Variants in SLC35F4 observed in about 807,000 individuals in gnomAD.
SLC35F4 encodes the protein solute carrier family 35 member F4.
Under a neutral mutation model 44.2 loss-of-function variants are expected in SLC35F4, and 24 were observed. That is an observed-to-expected ratio of 0.54 (90% confidence interval 0.39 to 0.76). The LOEUF (loss-of-function observed/expected upper bound fraction) is 0.76. Ranked by LOEUF, SLC35F4 falls within the 30% of genes least tolerant of loss-of-function variation. SLC35F4 has a pLI of 0.00. For missense variants in SLC35F4, 562 were observed against 586.1 expected (o/e 0.96, Z 0.42); for synonymous variants, 238 against 223.6 (o/e 1.06, Z -0.57).
intron 1 of SLC35F4, among the ~76,000 whole-genome samples, chr14:57,892,316 T>C (rs1888786514): frequency 6.6e-6 from 1 of 152,210 alleles, no homozygotes; most frequent in African/African-American, 2.4e-5. Flanking sequence ...CTAGATGCAT[T>C]AGTCAGGTGA....
upstream of SLC35F4, among the ~76,000 whole-genome samples, chr14:57,868,073 A>C (rs975682275): frequency 2.0e-5 from 3 of 152,234 alleles, no homozygotes; most frequent in African/African-American, 7.2e-5. Context: ...GTAGATAAAA[A>C]TGTATTTAAC....
intron 1 of SLC35F4, among the ~76,000 whole-genome samples, chr14:57,816,726 T>C (rs1212536327): frequency 6.6e-6 from 1 of 151,996 alleles, no homozygotes; most frequent in Non-Finnish European, 1.5e-5. Flanking sequence ...ATAAGCAGAG[T>C]CAGCAATCTT....
At chr14:57,941,538 A>G (rs1356923179) in intron 1 of SLC35F4, among the ~76,000 whole-genome samples, 1 of 152,186 alleles carries the variant, frequency 6.6e-6, no homozygotes, top group Non-Finnish European at 1.5e-5. Context: ...TGAGGGAAGG[A>G]AAGGATGGAG....
chr14:57,856,173 G>A (rs1211157573), intron 1 of SLC35F4, among the ~76,000 whole-genome samples: 1 of 151,918 alleles, frequency 6.6e-6, no homozygotes, highest in Non-Finnish European at 1.5e-5. Context: ...TGCTCAGGGG[G>A]CATGTCAGGG....
intron 1 of SLC35F4, among the ~76,000 whole-genome samples, chr14:57,834,686 C>T (rs1201550646): frequency 6.6e-6 from 1 of 152,178 alleles, no homozygotes; most frequent in Non-Finnish European, 1.5e-5. Flanking sequence ...TAGATCAAAT[C>T]CTTCCTATCC....
intron 1 of SLC35F4, among the ~76,000 whole-genome samples, chr14:57,616,981 T>C (rs2071868342): frequency 6.6e-6 from 1 of 151,940 alleles, no homozygotes; most frequent in African/African-American, 2.4e-5. Flanking sequence ...ATTATGAAAA[T>C]GTGGTTTTCT....
chr14:57,669,645 A>G (rs1178914449), intron 1 of SLC35F4, among the ~76,000 whole-genome samples: 4 of 152,142 alleles, frequency 2.6e-5, no homozygotes, highest in South Asian at 4.2e-4. Context: ...ATTGATTTGC[A>G]TCTGTTGAAC....
At chr14:57,647,724 G>A (rs990868197) in intron 1 of SLC35F4, among the ~76,000 whole-genome samples, 5 of 152,192 alleles carry the variant, frequency 3.3e-5, no homozygotes, top group Non-Finnish European at 5.9e-5. Flanking sequence ...CTTATAAAAT[G>A]CAGTTTTAGA....
intron 6 of SLC35F4, among the ~76,000 whole-genome samples, chr14:57,567,876 A>G (rs1334468270): frequency 1.3e-5 from 2 of 152,234 alleles, no homozygotes; most frequent in African/African-American, 2.4e-5. Flanking sequence ...AGATAGGTCA[A>G]CCTGAGAGGA....
intron 1 of SLC35F4, chr14:57,596,817 T>C (rs748658483): frequency 3.7e-6 from 5 of 1,367,704 alleles, no homozygotes; most frequent in Non-Finnish European, 3.9e-6. Context: ...CCTTATGTGA[T>C]ATACCGCAAA....
intron 1 of SLC35F4, among the ~76,000 whole-genome samples, chr14:57,948,227 C>T (rs80223080): frequency 0.096 from 14,515 of 151,966 alleles, 771 homozygotes; most frequent in Middle Eastern, 0.18. Context: ...ATTGGTCTGT[C>T]CCGTGTTTCT....
rs58029409 is a variant in SLC35F4, at chr14:57,702,800, C to T, written c.104-108676G>A. On this transcript the variant is annotated intron_variant, in intron 1 of 7. Transcript: ENST00000556826. ...TTCCGTGAGCTGATTCAGTCTAATC[C>T]CCATTTTATGGATGAGTATATTTAG... 1.6e-3 allele frequency among the ~76,000 whole-genome samples: 236 copies of T among 152,200 alleles called. 1 individual carries two copies. Among genetic ancestry groups the T allele is most frequent in the Middle Eastern group, 6.8e-3 (2 of 294 alleles).
chr14:57,875,849 C>T (rs1888388728), intron 1 of SLC35F4, among the ~76,000 whole-genome samples: 1 of 152,158 alleles, frequency 6.6e-6, no homozygotes, highest in African/African-American at 2.4e-5. Context: ...CTGCTACATC[C>T]AACTAATGTA....
intron 1 of SLC35F4, among the ~76,000 whole-genome samples, chr14:57,649,207 C>G (rs78965712): frequency 0.13 from 20,196 of 152,130 alleles, 1,582 homozygotes; most frequent in East Asian, 0.22. Context: ...CTTCACTTTT[C>G]TATTAGTTTC....
chr14:57,935,868 G>T (rs1388538571), intron 1 of SLC35F4, among the ~76,000 whole-genome samples: 1 of 152,142 alleles, frequency 6.6e-6, no homozygotes, highest in Non-Finnish European at 1.5e-5. Context: ...TCTTGTTTTT[G>T]AAAGTAATGG....
At chr14:57,867,140 T>C (rs1888189566), upstream of SLC35F4, among the ~76,000 whole-genome samples, 1 of 151,818 alleles carries the variant, frequency 6.6e-6, no homozygotes, top group Admixed American at 6.6e-5. Context: ...AGGTTTCATA[T>C]TACTAAAGCT....
At chr14:57,960,937 C>T (rs1166550640) in intron 1 of SLC35F4, among the ~76,000 whole-genome samples, 1 of 152,156 alleles carries the variant, frequency 6.6e-6, no homozygotes, top group Admixed American at 6.5e-5. Context: ...TGGGGAAATA[C>T]TGCCAGCCTT....
At chr14:57,755,517 C>T (rs1307112399) in intron 1 of SLC35F4, among the ~76,000 whole-genome samples, 1 of 152,136 alleles carries the variant, frequency 6.6e-6, no homozygotes, top group Admixed American at 6.5e-5. Flanking sequence ...TGATCATAAA[C>T]AAAAATAATA....
chr14:57,786,622 G>C (rs755600913), intron 1 of SLC35F4, among the ~76,000 whole-genome samples: 1 of 152,136 alleles, frequency 6.6e-6, no homozygotes, highest in Admixed American at 6.5e-5. Context: ...GTACCAGCCC[G>C]GAGCCAGGTA....
Sources: gnomAD v4.1 joint callset for allele counts (sites outside exome capture counted in the v4.1 genomes callset) on GRCh38, gnomAD v4.1.1 for gene constraint, MANE v1.5 for transcripts, NCBI Gene and HGNC (gene_info 2026-07-23, HGNC 2026-07-21) for gene names.